Variants in CD8B observed in about 807,000 individuals in gnomAD.
CD8B encodes the protein T-cell surface glycoprotein CD8 beta chain.
Under a neutral mutation model 24.2 loss-of-function variants are expected in CD8B, and 6 were observed. The observed-to-expected ratio is 0.25, with a 90% CI of 0.14 to 0.49. CD8B has a LOEUF of 0.49. Ranked by LOEUF, CD8B falls within the 20% of genes least tolerant of loss-of-function variation. The pLI, the probability that CD8B is intolerant of heterozygous loss-of-function variation, is 0.98. For synonymous variants in CD8B, 84 were observed against 108.3 expected, an observed-to-expected ratio of 0.78 and a Z score of 1.39; for missense variants, 196 against 271.3, an observed-to-expected ratio of 0.72 and a Z score of 1.95.
At chr2:86,846,035 C>T (rs1573514226) in intron 4 of CD8B, among the ~76,000 whole-genome samples, 2 of 152,138 alleles carry the variant, frequency 1.3e-5, no homozygotes, top group Admixed American at 6.6e-5. Context: ...GCAGAAGAAC[C>T]GGGGTAGAGT....
chr2:86,824,373 G>A (rs1319393794), intron 5 of CD8B, among the ~76,000 whole-genome samples: 1 of 152,150 alleles, frequency 6.6e-6, no homozygotes, highest in Non-Finnish European at 1.5e-5. Flanking sequence ...AGGGCTGGGT[G>A]GCTGTGTGTG....
intron 5 of CD8B, among the ~76,000 whole-genome samples, chr2:86,818,942 G>A (rs551899188): frequency 6.6e-6 from 1 of 152,308 alleles, no homozygotes; most frequent in Middle Eastern, 3.4e-3. Flanking sequence ...GTGAGCACAT[G>A]AATGATAAGA....
rs556866932 is a variant in CD8B, at chr2:86,838,219, A to G, written c.*4088T>C. ...TCCCCAACTACAAAAGTAATACATG[A>G]TGTAAAAATTCACACAAGGAACTGT... On this transcript the variant is annotated 3_prime_UTR_variant, in exon 6 of 6. Transcript: ENST00000390655. Among the ~76,000 whole-genome samples, 141 of 152,362 alleles carry G rather than the reference A, an allele frequency of 9.3e-4. 1 individual carries two copies. Among genetic ancestry groups the G allele is most frequent in the Non-Finnish European group, 1.9e-4 (13 of 68,042 alleles).
At chr2:86,853,719 T>A (rs1181034338) in intron 2 of CD8B, among the ~76,000 whole-genome samples, 1 of 152,028 alleles carries the variant, frequency 6.6e-6, no homozygotes, top group Non-Finnish European at 1.5e-5. Flanking sequence ...ATTTATTTAT[T>A]TTTTGAGACA....
Position 86,840,900 on chromosome 2 carries a change from GT to G in CD8B, c.*1406del, listed in dbSNP as rs575209207. On this transcript the variant is annotated 3_prime_UTR_variant, in exon 6 of 6. Transcript: ENST00000390655. ...TCCCCAGAGTCGTCTTTCCTTTCCT[GT>G]TTTTTTTGTAACATTTCTTACATTC... Among the ~76,000 whole-genome samples the G allele has an allele frequency of 2.0e-5, 3 of 151,774 alleles. No homozygotes were observed. Among genetic ancestry groups the G allele is most frequent in the Non-Finnish European group, 2.9e-5 (2 of 67,930 alleles).
At chr2:86,861,407 C>G (rs940227477) in intron 1 of CD8B, among the ~76,000 whole-genome samples, 9 of 152,052 alleles carry the variant, frequency 5.9e-5, no homozygotes, top group South Asian at 2.1e-4. Context: ...AACACTTCCC[C>G]GGAAGTAATA....
At chr2:86,820,232 G>C (rs1674407561) in intron 5 of CD8B, among the ~76,000 whole-genome samples, 1 of 152,246 alleles carries the variant, frequency 6.6e-6, no homozygotes, top group Non-Finnish European at 1.5e-5. Context: ...GTCAGTATTT[G>C]AGAGGAGTGA....
At chr2:86,825,319 A>C (rs552976479) in intron 5 of CD8B, among the ~76,000 whole-genome samples, 108 of 152,206 alleles carry the variant, frequency 7.1e-4, no homozygotes, top group African/African-American at 2.5e-3. Context: ...CTGGGGGGCT[A>C]TGGGGGCTGT....
chr2:86,830,644 G>T (rs1425153582), intron 5 of CD8B, among the ~76,000 whole-genome samples: 1 of 151,860 alleles, frequency 6.6e-6, no homozygotes, highest in Non-Finnish European at 1.5e-5. Flanking sequence ...TCATAGAAGT[G>T]AAATTGCTGG....
intron 5 of CD8B, among the ~76,000 whole-genome samples, chr2:86,816,080 G>A (rs1235957464): frequency 2.6e-5 from 4 of 152,158 alleles, no homozygotes; most frequent in Non-Finnish European, 2.9e-5. Context: ...CAATTTTATT[G>A]CCATGGTTAA....
At chr2:86,852,924 G>A in intron 3 of CD8B, 73 bp downstream of exon 3, 1 of 1,072,954 alleles carries the variant, frequency 9.3e-7, no homozygotes, top group Non-Finnish European at 1.3e-6. Flanking sequence ...CCTGGGGAAG[G>A]AAGGAGGGGA....
intron 5 of CD8B, among the ~76,000 whole-genome samples, chr2:86,830,580 T>A (rs908507289): frequency 6.6e-6 from 1 of 151,302 alleles, no homozygotes; most frequent in Non-Finnish European, 1.5e-5. Context: ...AAAAAAAAAA[T>A]TATTATTATT....
intron 5 of CD8B, among the ~76,000 whole-genome samples, chr2:86,832,661 C>T (rs960087226): frequency 9.2e-5 from 14 of 151,760 alleles, no homozygotes; most frequent in Non-Finnish European, 2.1e-4. Context: ...TTGGTTTGCC[C>T]CCCAATTTAC....
downstream of CD8B, among the ~76,000 whole-genome samples, chr2:86,837,088 CAG>C (rs763742346): frequency 3.3e-5 from 5 of 152,128 alleles, no homozygotes; most frequent in Non-Finnish European, 5.9e-5. Context: ...GCCTGGGAGA[CAG>C]AGCCTGCAGT....
chr2:86,853,040 G>A lies in CD8B; in HGVS notation c.450C>T (p.Leu150=). 6.5e-7 allele frequency: 1 copy of A among 1,543,928 alleles called. No homozygotes were observed. The highest frequency in any genetic ancestry group is 8.7e-7 in the Non-Finnish European group (1 of 1,143,788). ...TGGGTAACCGGCACACTCTCTTCTTGAGGGTGGACTTCTTGGTGGGCTGGG... is the reference window on the plus strand; with the variant it reads ...TGGGTAACCGGCACACTCTCTTCTTAAGGGTGGACTTCTTGGTGGGCTGGG... ...TTAQPTKKST[L]KKRVCRLPRP... Residue 150 remains leucine, a synonymous_variant, in exon 3 of 6, where the codon CTC becomes CTT. Coordinates refer to ENST00000390655, the MANE Select transcript of CD8B (RefSeq NM_004931.5).
chr2:86,855,730 A>T (rs1182839647), intron 2 of CD8B, among the ~76,000 whole-genome samples: 3 of 152,176 alleles, frequency 2.0e-5, no homozygotes, highest in Admixed American at 6.5e-5. Context: ...TCATGGCCCT[A>T]GAAGTAGTTC....
chr2:86,842,401 T>C (rs1319677848), intron 5 of CD8B, 82 bp from the exon 6 acceptor site: 5 of 1,584,960 alleles, frequency 3.2e-6, no homozygotes, highest in Middle Eastern at 1.7e-4. Flanking sequence ...AAATGGCAAA[T>C]GAGAATGCAG....
chr2:86,858,718 A>G (rs1489147061), intron 1 of CD8B, among the ~76,000 whole-genome samples: 6 of 146,046 alleles, frequency 4.1e-5, no homozygotes, highest in Admixed American at 1.4e-4. Context: ...AAGGAACTCA[A>G]TCAAGCCTCA....
rs969854713 is a variant in CD8B at position 86,838,508 on chromosome 2, T to A, written c.*3799A>T. On this transcript the variant is annotated 3_prime_UTR_variant, in exon 6 of 6. Transcript: ENST00000390655. ...AAAACAAGAAACTTTTTAGAAAAAA[T>A]TTATTTTTGAGACAAGGTCTGTCTG... 6.6e-5 allele frequency among the ~76,000 whole-genome samples: 10 copies of A among 151,876 alleles called. No individual in the cohort carries two copies. The East Asian group carries it at 9.7e-4, about 15-fold the overall frequency.
Sources: gnomAD v4.1 joint callset for allele counts (sites outside exome capture counted in the v4.1 genomes callset) on GRCh38, gnomAD v4.1.1 for gene constraint, MANE v1.5 for transcripts, NCBI Gene and HGNC (gene_info 2026-07-23, HGNC 2026-07-21) for gene names.